Variants in NDUFS4 observed in about 807,000 individuals in gnomAD.
NDUFS4 encodes the protein NADH:ubiquinone oxidoreductase subunit S4, also known as NADH dehydrogenase [ubiquinone] iron-sulfur protein 4, mitochondrial.
NDUFS4 carries 28 observed loss-of-function variants against 24.3 expected under a neutral mutation model. The ratio of observed to expected loss-of-function variants is 1.15; its 90% CI spans 0.85 to 1.58. The LOEUF (loss-of-function observed/expected upper bound fraction) is 1.58, where lower values mean the gene tolerates loss of function less well. Ranked by LOEUF, NDUFS4 falls within the 40% of genes most tolerant of loss-of-function variation. NDUFS4 has a pLI of 0.00. For missense variants in NDUFS4, 223 were observed against 207.9 expected (o/e 1.07, Z -0.45); for synonymous variants, 93 against 69.7 (o/e 1.34, Z -1.67).
chr5:53,679,740 C>A (rs1054581040), intron 4 of NDUFS4, among the ~76,000 whole-genome samples: 1 of 152,082 alleles, frequency 6.6e-6, no homozygotes, highest in Non-Finnish European at 1.5e-5. Context: ...TTTCTCATTT[C>A]TTCTGCAGTT....
At chr5:53,662,582 C>T (rs1235351425) in intron 4 of NDUFS4, among the ~76,000 whole-genome samples, 1 of 152,088 alleles carries the variant, frequency 6.6e-6, no homozygotes, top group Non-Finnish European at 1.5e-5. Flanking sequence ...ACCAGCTCCT[C>T]CTTGTACCTC....
At chr5:53,665,204 A>C (rs867736403) in intron 4 of NDUFS4, among the ~76,000 whole-genome samples, 4 of 152,096 alleles carry the variant, frequency 2.6e-5, no homozygotes, top group Non-Finnish European at 5.9e-5. Context: ...GTCTCAGAGG[A>C]GTACCTGGCC....
chr5:53,661,973 T>C (rs1281039458), intron 4 of NDUFS4, among the ~76,000 whole-genome samples: 5 of 152,180 alleles, frequency 3.3e-5, no homozygotes, highest in African/African-American at 4.8e-5. Context: ...CTTTTCCTAA[T>C]TGAATACCCT....
intron 4 of NDUFS4, among the ~76,000 whole-genome samples, chr5:53,681,743 A>G (rs576488821): frequency 2.6e-5 from 4 of 152,100 alleles, no homozygotes; most frequent in African/African-American, 9.6e-5. Context: ...TTCTTTGGAG[A>G]TGGAGTTCCA....
intron 1 of NDUFS4, among the ~76,000 whole-genome samples, chr5:53,586,583 C>T (rs896467190): frequency 2.0e-5 from 3 of 152,046 alleles, no homozygotes; most frequent in Admixed American, 6.6e-5. Context: ...AGTGCAGTGG[C>T]GCAATCTTGG....
chr5:53,632,738 G>C (rs1751442571), intron 2 of NDUFS4, among the ~76,000 whole-genome samples: 1 of 152,054 alleles, frequency 6.6e-6, no homozygotes, highest in Non-Finnish European at 1.5e-5. Context: ...TCTGTTATCA[G>C]GTTGTCCAAT....
At chr5:53,564,179 G>A (rs1463818211) in intron 1 of NDUFS4, among the ~76,000 whole-genome samples, 2 of 152,144 alleles carry the variant, frequency 1.3e-5, no homozygotes, top group Non-Finnish European at 2.9e-5. Flanking sequence ...ATATAAGCTA[G>A]CATGAAATTG....
intron 2 of NDUFS4, among the ~76,000 whole-genome samples, chr5:53,639,227 A>G (rs539522772): frequency 1.3e-5 from 2 of 151,820 alleles, no homozygotes; most frequent in East Asian, 1.9e-4. Context: ...CTATATATAT[A>G]TATTAGAATT....
chr5:53,658,332 T>TA (rs1752223181), intron 3 of NDUFS4, among the ~76,000 whole-genome samples: 1 of 152,174 alleles, frequency 6.6e-6, no homozygotes, highest in African/African-American at 2.4e-5. Context: ...CCTTTGCAAT[T>TA]ATGAATTTTA....
rs74640840 is a variant in NDUFS4 at position 53,672,433 on chromosome 5, T to C, written c.425-10685T>C. Among the ~76,000 whole-genome samples, 644 of 152,026 alleles carry C rather than the reference T, an allele frequency of 4.2e-3. 1 individual carries two copies. Among genetic ancestry groups the C allele is most frequent in the Non-Finnish European group, 7.7e-3 (526 of 67,934 alleles). On this transcript the variant is annotated intron_variant, in intron 4 of 4. Coordinates refer to ENST00000296684, the MANE Select transcript of NDUFS4 (RefSeq NM_002495.4). ...AAATAGAGGCAAAATTGGGTTTTGG[T>C]GGGGGAGGTCTATTAAGTAGAACAC...
intron 1 of NDUFS4, among the ~76,000 whole-genome samples, chr5:53,565,808 ATGTT>A (rs1226073743): frequency 2.6e-5 from 4 of 152,242 alleles, no homozygotes; most frequent in Non-Finnish European, 5.9e-5. Context: ...GAGGAAATGA[ATGTT>A]TGGGAAAGGG....
chr5:53,611,209 T>C (rs1750685137), intron 2 of NDUFS4, among the ~76,000 whole-genome samples: 1 of 151,874 alleles, frequency 6.6e-6, no homozygotes, highest in Non-Finnish European at 1.5e-5. Flanking sequence ...CTTGTGGTTT[T>C]TTTTTTTTTC....
intron 1 of NDUFS4, among the ~76,000 whole-genome samples, chr5:53,594,872 TTGTGTGTGTG>T (rs60887057): frequency 2.7e-5 from 4 of 148,534 alleles, no homozygotes; most frequent in East Asian, 2.0e-4. Context: ...ATGTCTGTGT[TTGTGTGTGTG>T]TGTGTGTGTG....
intron 2 of NDUFS4, among the ~76,000 whole-genome samples, chr5:53,627,441 T>C (rs531588191): frequency 2.5e-4 from 38 of 152,248 alleles, no homozygotes; most frequent in African/African-American, 8.4e-4. Flanking sequence ...CCTTGATGGG[T>C]ATAGCATTGA....
chr5:53,655,923 G>A (rs1174086992), intron 3 of NDUFS4, among the ~76,000 whole-genome samples: 1 of 152,140 alleles, frequency 6.6e-6, no homozygotes, highest in Non-Finnish European at 1.5e-5. Flanking sequence ...GGCAGCTGCT[G>A]AAATCTTTGC....
rs1740730191 is a variant in NDUFS4 at position 53,683,161 on chromosome 5, G to C, written c.468G>C (p.Lys156Asn). The C allele has an allele frequency of 6.2e-7, 1 of 1,612,492 alleles. No homozygotes were observed. The highest frequency in any genetic ancestry group is 1.1e-5 in the South Asian group (1 of 91,050). Residue 156 changes from lysine to asparagine, a missense_variant, in exon 5 of 5, where the codon AAG becomes AAC. Physicochemically the swap from Lys to Asn is moderately conservative, Grantham distance 94. Coordinates refer to ENST00000296684, the MANE Select transcript of NDUFS4 (RefSeq NM_002495.4). The stretch of plus-strand genomic sequence containing the variant: ...AAGAGAGGAAGGTTCCAAAACCCAA[G>C]TCCAAGTCTTATGGTGCAAACTTTT... Reference protein sequence around the residue: ...DIEERKVPKPKSKSYGANFSW... With the variant: ...DIEERKVPKPNSKSYGANFSW...
chr5:53,592,308 A>G (rs534392119), intron 1 of NDUFS4, among the ~76,000 whole-genome samples: 1 of 152,250 alleles, frequency 6.6e-6, no homozygotes, highest in East Asian at 1.9e-4. Context: ...AATCAGATAT[A>G]TAGTTTGCAG....
At chr5:53,658,784 CAA>C (rs35754713) in intron 4 of NDUFS4, 160 bp downstream of exon 4, 1,533 of 137,100 alleles carry the variant, frequency 0.011, no homozygotes, top group East Asian at 0.023. Context: ...CACCCACCTC[CAA>C]AAAAAAAAAA....
intron 1 of NDUFS4, among the ~76,000 whole-genome samples, chr5:53,581,744 C>A (rs1423496304): frequency 6.6e-6 from 1 of 152,094 alleles, no homozygotes; most frequent in Non-Finnish European, 1.5e-5. Flanking sequence ...TCTGTGAAGT[C>A]TTAGAGCTCC....
Sources: gnomAD v4.1 joint callset for allele counts (sites outside exome capture counted in the v4.1 genomes callset) on GRCh38, gnomAD v4.1.1 for gene constraint, MANE v1.5 for transcripts, NCBI Gene and HGNC (gene_info 2026-07-23, HGNC 2026-07-21) for gene names.